NLGN2: variants seen among roughly 807,000 people sequenced by gnomAD.
NLGN2 encodes neuroligin-2.
A neutral mutation model predicts 48.6 loss-of-function variants in NLGN2; 11 were observed. The ratio of observed to expected loss-of-function variants is 0.23; its 90% CI spans 0.14 to 0.37. NLGN2 has a LOEUF of 0.37. Ranked by LOEUF, NLGN2 falls within the 10% of genes least tolerant of loss-of-function variation. The pLI is 1.00. For synonymous variants in NLGN2, 548 were observed against 550.0 expected, an observed-to-expected ratio of 1.00 and a Z score of 0.05; for missense variants, 801 against 1,225.2, an observed-to-expected ratio of 0.65 and a Z score of 5.17.
Position 7,417,556 on chromosome 17 carries a change from G to A in NLGN2, c.2265G>A (p.Ala755=), listed in dbSNP as rs375833863. ...TGAAGCGGGGTGGTGGCGTCGGGGC[G>A]GACCCTGCCGAGGCTCTGCGCCCTG... ...LQLKRGGGVG[A]DPAEALRPAC... is the part of the protein sequence containing the mutation. Residue 755 remains alanine (A), a synonymous_variant, in exon 7 of 7, where the codon GCG becomes GCA. Transcript: ENST00000302926. The A allele has an allele frequency of 2.6e-5, 38 of 1,453,958 alleles. No homozygotes were observed. The African/African-American group carries it at 4.2e-4, about 16-fold the overall frequency. The allele number at this position is 1,453,958 out of a possible 1,614,324, so 90.1% of individuals were successfully genotyped here.
intron 6 of NLGN2, among the ~76,000 whole-genome samples, chr17:7,416,415 GGTGTGTGTGTCT>G (rs1417666811): frequency 6.6e-6 from 1 of 152,042 alleles, no homozygotes; most frequent in Non-Finnish European, 1.5e-5. Flanking sequence ...TGACTGCTCA[GGTGTGTGTGTCT>G]GAGTGTGTGT....
chr17:7,416,182 GCACT>G, intron 6 of NLGN2, 75 bp downstream of exon 6: 1 of 1,226,440 alleles, frequency 8.2e-7, no homozygotes, highest in Non-Finnish European at 1.2e-6. Flanking sequence ...CTCTGTTAAG[GCACT>G]CACTCTGGCC....
upstream of NLGN2, among the ~76,000 whole-genome samples, chr17:7,406,780 AAGGGT>A (rs1906664429): frequency 6.6e-6 from 1 of 151,734 alleles, no homozygotes; most frequent in Non-Finnish European, 1.5e-5. Flanking sequence ...TGGCAAGGGG[AAGGGT>A]AGGTGAATGG....
chr17:7,404,787 G>C (rs1351375486), upstream of NLGN2: 1 of 152,166 alleles, frequency 6.6e-6, no homozygotes, highest in Non-Finnish European at 1.5e-5. Context: ...TCCGGAGGGC[G>C]GGCGGGCAGG....
In NLGN2 at chr17:7,415,997, T is replaced by C. The variant is rs745722354; in HGVS notation, c.1524T>C (p.Phe508=). Residue 508 remains phenylalanine, a synonymous_variant, in exon 6 of 7, where the codon TTT becomes TTC. Coordinates refer to ENST00000302926, the MANE Select transcript of NLGN2 (RefSeq NM_020795.4). ...ACGGGGATGAACTGCCCTATGTCTTTGGCGTGCCCATGGTGGGTGCCACCG... is the reference window on the plus strand; with the variant it reads ...ACGGGGATGAACTGCCCTATGTCTTCGGCGTGCCCATGGTGGGTGCCACCG... ...AAHGDELPYV[F]GVPMVGATDL... 1 of 1,614,198 alleles carries C rather than the reference T, an allele frequency of 6.2e-7. No individual in the cohort carries two copies. Among genetic ancestry groups the C allele is most frequent in the Non-Finnish European group, 8.5e-7 (1 of 1,180,042 alleles).
chr17:7,408,403 C>A lies in NLGN2; in HGVS notation c.148C>A (p.Arg50=). The A allele has an allele frequency of 1.3e-6, 2 of 1,557,138 alleles. No individual in the cohort carries two copies. The highest frequency in any genetic ancestry group is 1.4e-5 in the African/African-American group (1 of 70,304). The change falls in exon 1 of 7, where the codon CGA becomes AGA. Residue 50 remains arginine (R), a synonymous_variant. Transcript: ENST00000302926. The surrounding 1 kb of genome is among the most constrained non-coding windows in gnomAD (Gnocchi z 7.5). ...RFPVVNTAYG[R]VRGVRRELNN... ...CCCGGTGGTGAACACGGCCTACGGG[C>A]GAGTGCGCGGTGTGCGGCGCGAGCT...
At position 7,418,011 on chromosome 17, in the gene NLGN2, G is replaced by A. The variant is rs1244328069; in HGVS notation, c.*212G>A. On this transcript the variant is annotated 3_prime_UTR_variant, in exon 7 of 7. Transcript: ENST00000302926. ...TCTGGATCTGGGCCTTTGAACAACTGGGGGGCGTTTTCTCCCCCCCATTGG... is the reference window on the plus strand; with the variant it reads ...TCTGGATCTGGGCCTTTGAACAACTAGGGGGCGTTTTCTCCCCCCCATTGG... 1.0e-5 allele frequency: 4 copies of A among 384,380 alleles called. No individual in the cohort carries two copies. The highest frequency in any genetic ancestry group is 4.6e-5 in the Admixed American group (1 of 21,734). The allele number at this position is 384,380 out of a possible 1,614,324, so 23.8% of individuals were successfully genotyped here. A position where few individuals can be genotyped will look rare whatever the true frequency, so the allele number is the denominator to read the frequency against.
At position 7,419,392 on chromosome 17, in the gene NLGN2, T is replaced by C. The variant is rs1261804254; in HGVS notation, c.*1593T>C. 4 of 152,644 alleles carry C rather than the reference T, an allele frequency of 2.6e-5. No individual in the cohort carries two copies. The highest frequency in any genetic ancestry group is 2.6e-4 in the Admixed American group (4 of 15,274). The allele number at this position is 152,644 out of a possible 1,614,324, so 9.5% of individuals were successfully genotyped here. ...GTCTGGAAGGGCTTAAGGGACACAG[T>C]GGACGAGGGGAGAGTCCTCATCTGC... On this transcript the variant is annotated 3_prime_UTR_variant, in exon 7 of 7. Transcript: ENST00000302926.
rs772822051 is a variant in NLGN2 at position 7,415,670 on chromosome 17, C to T, written c.1197C>T (p.Asp399=). ...TGGAGGACTCTGCAGAGAGCGAGGA[C>T]GGTGTGTCTGCCAGCGCCTTTGACT... The part of the protein sequence containing the change: ...KFVEDSAESE[D]GVSASAFDFT... The change falls in exon 6 of 7, where the codon GAC becomes GAT. Residue 399 remains aspartate (D), a synonymous_variant. Transcript: ENST00000302926. 1.7e-5 allele frequency: 28 copies of T among 1,614,120 alleles called. No individual in the cohort carries two copies. Among genetic ancestry groups the T allele is most frequent in the African/African-American group, 6.7e-5 (5 of 74,930 alleles).
intron 2 of NLGN2, 140 bp from the exon 3 acceptor site, chr17:7,414,204 C>G: frequency 1.4e-6 from 1 of 727,526 alleles, no homozygotes; most frequent in East Asian, 2.7e-5. Flanking sequence ...CCGGTCTTGC[C>G]CCCCAGGGAT....
rs1242921365 is a variant in NLGN2 at position 7,417,685 on chromosome 17, G to A, written c.2394G>A (p.Pro798=). ...LTLLPSGLGP[P]PPPPPPSLHP... ...TGCTGCCCAGTGGCCTGGGGCCACC[G>A]CCACCCCCACCGCCCCCCTCCCTTC... Residue 798 remains proline (P), a synonymous_variant, in exon 7 of 7, where the codon CCG becomes CCA. Transcript: ENST00000302926. The A allele has an allele frequency of 1.4e-5, 11 of 798,966 alleles. No homozygotes were observed. The highest frequency in any genetic ancestry group is 2.9e-5 in the South Asian group (1 of 34,150). 49.5% of individuals were successfully genotyped at this position (798,966 alleles called of 1,614,324 possible).
chr17:7,412,874 T>A (rs1381447790), intron 2 of NLGN2, among the ~76,000 whole-genome samples: 2 of 148,320 alleles, frequency 1.3e-5, no homozygotes, highest in Non-Finnish European at 3.0e-5. Context: ...CCCGAGAGCT[T>A]CTTGCTTTTT....
chr17:7,417,642 C>A lies in NLGN2; in HGVS notation c.2351C>A (p.Ala784Asp). ...GCACCGGACGATGTGCCTCTCTTGG[C>A]CCCCGGGGCCCTGACCCTGCTGCCC... ...RRAPDDVPLL[A>D]PGALTLLPSG... Residue 784 changes from alanine (A) to aspartate (D), a missense_variant, in exon 7 of 7, where the codon GCC (alanine) becomes GAC (aspartate). Transcript: ENST00000302926. 1.4e-6 allele frequency: 2 copies of A among 1,404,042 alleles called. No individual in the cohort carries two copies. Among genetic ancestry groups the A allele is most frequent in the Non-Finnish European group, 1.8e-6 (2 of 1,088,236 alleles). The allele number at this position is 1,404,042 out of a possible 1,614,324, so 87.0% of individuals were successfully genotyped here. A position where few individuals can be genotyped will look rare whatever the true frequency, so the allele number is the denominator to read the frequency against.
chr17:7,406,024 TGAG>T (rs1379436985), upstream of NLGN2, among the ~76,000 whole-genome samples: 1 of 149,216 alleles, frequency 6.7e-6, no homozygotes, highest in African/African-American at 2.5e-5. Context: ...CAGACAGAGA[TGAG>T]GAGAGAAAAT....
At chr17:7,405,281 C>T (rs1055534380), upstream of NLGN2, 1 of 152,382 alleles carries the variant, frequency 6.6e-6, no homozygotes, top group Non-Finnish European at 1.5e-5. The surrounding 1 kb of genome is among the most constrained non-coding windows in gnomAD (Gnocchi z 6.8). Flanking sequence ...CCTTCTGGTC[C>T]CTCGAAGCCG....
rs1004894764 is a variant in NLGN2 at position 7,411,094 on chromosome 17, G to A, written c.458-1063G>A. ...CTCCAGCTCGCCCCTGACCAACCCC[G>A]TAATCTGGAAGAAGCCCTGACACTG... On this transcript the variant is annotated intron_variant, in intron 1 of 6. Transcript: ENST00000302926. The surrounding 1 kb of genome is among the most constrained non-coding windows in gnomAD (Gnocchi z 4.5). Among the ~76,000 whole-genome samples the A allele has an allele frequency of 3.9e-5, 6 of 152,370 alleles. No homozygotes were observed. Among genetic ancestry groups the A allele is most frequent in the South Asian group, 2.1e-4 (1 of 4,830 alleles).
At position 7,411,577 on chromosome 17, in the gene NLGN2, A is replaced by C. The variant is rs1906895125; in HGVS notation, c.458-580A>C. Among the ~76,000 whole-genome samples, 1 of 152,196 alleles carries C rather than the reference A, an allele frequency of 6.6e-6. No individual in the cohort carries two copies. The highest frequency in any genetic ancestry group is 2.4e-5 in the African/African-American group (1 of 41,448). Reference sequence around the variant, plus strand: ...TGAGCTGTGGGGCAGGCTGCCCCCCAACCCTGTCCTGCTCGCTGCCCTGCA... The same window carrying C: ...TGAGCTGTGGGGCAGGCTGCCCCCCCACCCTGTCCTGCTCGCTGCCCTGCA... On this transcript the variant is annotated intron_variant, in intron 1 of 6. Coordinates refer to ENST00000302926, the MANE Select transcript of NLGN2 (RefSeq NM_020795.4). This position sits in a 1 kb window ranked among gnomAD's most constrained non-coding sequence, Gnocchi z 4.5.
rs1418576133 is a variant in NLGN2, at chr17:7,417,558, ACCCTGCCGAGGCTCTGCG to A, written c.2275_2292del (p.Glu759_Ala764del). On this transcript the variant is annotated inframe_deletion, in exon 7 of 7. Transcript: ENST00000302926. ...AAGCGGGGTGGTGGCGTCGGGGCGGACCCTGCCGAGGCTCTGCGCCCTGCCTGCCCGCCCGACTACACC... is the reference window on the plus strand; with the variant it reads ...AAGCGGGGTGGTGGCGTCGGGGCGGACCCTGCCTGCCCGCCCGACTACACC... 6.9e-7 allele frequency: 1 copy of A among 1,452,370 alleles called. No individual in the cohort carries two copies. The highest frequency in any genetic ancestry group is 9.0e-7 in the Non-Finnish European group (1 of 1,108,904). 90.0% of individuals were successfully genotyped at this position (1,452,370 alleles called of 1,614,324 possible). A position where few individuals can be genotyped will look rare whatever the true frequency, so the allele number is the denominator to read the frequency against.
intron 4 of NLGN2, 37 bp from the exon 5 acceptor site, chr17:7,414,919 A>G: frequency 6.2e-7 from 1 of 1,612,904 alleles, no homozygotes; most frequent in Non-Finnish European, 8.5e-7. Flanking sequence ...TCAGGCCGGT[A>G]CTCACAGCCT....
Sources: gnomAD v4.1 joint callset for allele counts (sites outside exome capture counted in the v4.1 genomes callset) on GRCh38, gnomAD v4.1.1 for gene constraint, Gnocchi (gnomAD v3.1) non-coding constraint, MANE v1.5 for transcripts, NCBI Gene and HGNC (gene_info 2026-07-23, HGNC 2026-07-21) for gene names.